The following SLTM variants were observed in gnomAD, a reference collection of about 807,000 sequenced individuals.
SLTM encodes SAFB like transcription modulator, also known as SAFB-like transcription modulator.
A neutral mutation model predicts 134.6 loss-of-function variants in SLTM; 43 were observed. That is an observed-to-expected ratio of 0.32 (90% CI 0.25 to 0.41). SLTM has a LOEUF of 0.41. SLTM is among the 10% of genes least tolerant of loss of function. The pLI is 1.00. For synonymous variants in SLTM, 424 were observed against 432.3 expected, an observed-to-expected ratio of 0.98 and a Z score of 0.24; for missense variants, 1,055 against 1,288.8, an observed-to-expected ratio of 0.82 and a Z score of 2.78.
At chr15:58,921,650 A>G (rs775535932) in intron 2 of SLTM, 1 of 359,492 alleles carries the variant, frequency 2.8e-6, no homozygotes, top group Admixed American at 3.3e-5. Context: ...TGATAGATAC[A>G]TAGTATTCAA....
chr15:58,881,238 T>A (rs1019402917), intron 20 of SLTM, among the ~76,000 whole-genome samples: 1 of 151,966 alleles, frequency 6.6e-6, no homozygotes, highest in African/African-American at 2.4e-5. Context: ...AAATCTACAG[T>A]GAAGGCCGGG....
chr15:58,922,515 A>G (rs1159519926), intron 2 of SLTM, among the ~76,000 whole-genome samples: 2 of 145,236 alleles, frequency 1.4e-5, no homozygotes, highest in East Asian at 3.9e-4. Context: ...TTATATACGT[A>G]TAAAATTTAT....
rs151115131 is a variant in SLTM, at chr15:58,891,779, T to G, written c.1898+1118A>C. On this transcript the variant is annotated intron_variant, in intron 14 of 20. Coordinates refer to ENST00000380516, the MANE Select transcript of SLTM (RefSeq NM_024755.4). ...TATATTATAGTTAAGCCATTACATT[T>G]TTTTCTTTTTTTGAAATTGTTAGTA... Among the ~76,000 whole-genome samples, 6 of 152,316 alleles carry G rather than the reference T, an allele frequency of 3.9e-5. No homozygotes were observed. In the East Asian group the frequency reaches 1.2e-3, roughly 29 times the overall value.
intron 2 of SLTM, among the ~76,000 whole-genome samples, chr15:58,919,617 G>A (rs1158623218): frequency 5.3e-5 from 8 of 151,890 alleles, no homozygotes; most frequent in Admixed American, 2.6e-4. Flanking sequence ...GCAACAGAGC[G>A]AGACCCTACC....
In SLTM at chr15:58,888,400, G is replaced by C. The variant is rs747044789; in HGVS notation, c.2360C>G (p.Ser787Cys). 3 of 1,604,244 alleles carry C rather than the reference G, an allele frequency of 1.9e-6. No individual in the cohort carries two copies. Among genetic ancestry groups the C allele is most frequent in the Non-Finnish European group, 2.5e-6 (3 of 1,177,370 alleles). The change falls in exon 17 of 21, where the codon TCT (serine) becomes TGT (cysteine). Residue 787 changes from serine to cysteine, a missense_variant. By Grantham distance (112) the Ser-to-Cys change is moderately radical. Transcript: ENST00000380516. ...ACATATCTACCTTTCAAAAGATGAA[G>C]ACTGTACTGCTGAACTCTCAGGAAA... ...GRFPESSAVQSSSFERRDRFV... is the reference protein window; with the variant it reads ...GRFPESSAVQCSSFERRDRFV...
In SLTM at chr15:58,894,177, G is replaced by T; in HGVS notation, c.1394C>A (p.Ser465Tyr). ...ISVEKVKGDPSKKEMKKENDE... is the reference protein window; with the variant it reads ...ISVEKVKGDPYKKEMKKENDE... ...ATTTTCTTTCTTCATTTCTTTCTTA[G>T]AGGGATCACCTTTTACCTGAAAGGT... Residue 465 changes from serine (S) to tyrosine (Y), a missense_variant, in exon 11 of 21, where the codon TCT (serine) becomes TAT (tyrosine). This residue lies in a region of SLTM where 776 missense variants were observed against 962.2 expected (regional missense o/e 0.81). Transcript: ENST00000380516. 1 of 1,609,374 alleles carries T rather than the reference G, an allele frequency of 6.2e-7. No individual in the cohort carries two copies.
At chr15:58,921,889 C>CCT (rs2037074002) in intron 2 of SLTM, among the ~76,000 whole-genome samples, 1 of 152,048 alleles carries the variant, frequency 6.6e-6, no homozygotes, top group Non-Finnish European at 1.5e-5. Context: ...GATTCTCATG[C>CCT]CTCAGCCTCA....
rs1404735609 is a variant in SLTM at position 58,899,692 on chromosome 15, G to A, written c.835C>T (p.Pro279Ser). 1 of 1,613,866 alleles carries A rather than the reference G, an allele frequency of 6.2e-7. No homozygotes were observed. The highest frequency in any genetic ancestry group is 8.5e-7 in the Non-Finnish European group (1 of 1,179,988). ...GCAATGGCGTCCTGCCCATCTTTTG[G>A]CTTACTTGCTTCAGAATCTGTAATT... is the stretch of plus-strand genomic sequence containing the variant. ...VKITDSEASKPKDGQDAIAQS... is the reference protein window; with the variant it reads ...VKITDSEASKSKDGQDAIAQS... The change falls in exon 7 of 21, where the codon CCA becomes TCA. Residue 279 changes from proline to serine, a missense_variant. Transcript: ENST00000380516. The surrounding 1 kb of genome is among the most constrained non-coding windows in gnomAD (Gnocchi z 5.0).
rs562486628 is a variant in SLTM at position 58,895,149 on chromosome 15, G to A, written c.1228-567C>T. On this transcript the variant is annotated intron_variant, in intron 9 of 20. Coordinates refer to ENST00000380516, the MANE Select transcript of SLTM (RefSeq NM_024755.4). ...GTAGCCAAAACACAATCTCATCAAT[G>A]AAGTAATGGCACAATTAATAAAAGC... Among the ~76,000 whole-genome samples, 18 of 152,198 alleles carry A rather than the reference G, an allele frequency of 1.2e-4. No individual in the cohort carries two copies. In the East Asian group the frequency reaches 2.1e-3, roughly 18 times the overall value.
chr15:58,908,307 C>T (rs1399952870), intron 5 of SLTM, among the ~76,000 whole-genome samples: 4 of 152,028 alleles, frequency 2.6e-5, no homozygotes, highest in South Asian at 2.1e-4. Context: ...GTGATCAGCC[C>T]GCCTCAGCCT....
chr15:58,933,300 G>A (rs1161043081), intron 1 of SLTM, 104 bp downstream of exon 1: 57 of 1,322,972 alleles, frequency 4.3e-5, no homozygotes, highest in Non-Finnish European at 5.6e-5. Context: ...CCGTTCCGCA[G>A]GTCCCAGCGG....
chr15:58,930,821 T>C (rs1488315160), intron 2 of SLTM, among the ~76,000 whole-genome samples: 1 of 150,814 alleles, frequency 6.6e-6, no homozygotes, highest in Non-Finnish European at 1.5e-5. Context: ...CCCTTAAAAT[T>C]TTATATTGCT....
chr15:58,901,156 A>T, intron 6 of SLTM, 104 bp downstream of exon 6: 1 of 906,712 alleles, frequency 1.1e-6, no homozygotes, highest in Non-Finnish European at 1.7e-6. Flanking sequence ...TAAATTTGAA[A>T]ATAAACTAAT....
rs1313407516 is a variant in SLTM at position 58,879,438 on chromosome 15, A to G, written c.*561T>C. On this transcript the variant is annotated 3_prime_UTR_variant, in exon 21 of 21. Coordinates refer to ENST00000380516, the MANE Select transcript of SLTM (RefSeq NM_024755.4). ...CAACACTTTAGCAACTATACAGAAT[A>G]TGAAGGTTTATTTCAAAAAAGATTA... 2 of 152,712 alleles carry G rather than the reference A, an allele frequency of 1.3e-5. No individual in the cohort carries two copies. Among genetic ancestry groups the G allele is most frequent in the Admixed American group, 1.3e-4 (2 of 15,282 alleles). The allele number at this position is 152,712 out of a possible 1,614,324, so 9.5% of individuals were successfully genotyped here. A position where few individuals can be genotyped will look rare whatever the true frequency, so the allele number is the denominator to read the frequency against.
rs375305679 is a variant in SLTM at position 58,899,208 on chromosome 15, G to GAA, written c.1058+259_1058+260dup. ...TAAAACACAAAAAAATTGTCAATTT[G>GAA]AAAAAAAAAAACAAAAAACAAAAAA... On this transcript the variant is annotated intron_variant, in intron 7 of 20. Coordinates refer to ENST00000380516, the MANE Select transcript of SLTM (RefSeq NM_024755.4). The surrounding 1 kb of genome is among the most constrained non-coding windows in gnomAD (Gnocchi z 5.0). The GAA allele has an allele frequency of 4.7e-4, 165 of 348,852 alleles. No individual in the cohort carries two copies. Among genetic ancestry groups the GAA allele is most frequent in the South Asian group, 7.2e-4 (12 of 16,762 alleles). 21.6% of individuals were successfully genotyped at this position (348,852 alleles called of 1,614,324 possible).
rs1244684024 is a variant in SLTM, at chr15:58,913,706, G to T, written c.316-10C>A. 1 of 1,611,424 alleles carries T rather than the reference G, an allele frequency of 6.2e-7. No homozygotes were observed. The highest frequency in any genetic ancestry group is 1.1e-5 in the South Asian group (1 of 90,726). On this transcript the variant is annotated splice_polypyrimidine_tract_variant and intron_variant, in intron 3 of 20. Coordinates refer to ENST00000380516, the MANE Select transcript of SLTM (RefSeq NM_024755.4). ...TCTCCAATTCACAGTCCTTTTAATG[G>T]TAAGAAAATTTGGTACAACTAGAGG...
At position 58,880,045 on chromosome 15, in the gene SLTM, C is replaced by A; in HGVS notation, c.3059G>T (p.Gly1020Val). The change falls in exon 21 of 21, where the codon GGC (glycine) becomes GTC (valine). Residue 1020 changes from glycine (G) to valine (V), a missense_variant. By Grantham distance (109) the Gly-to-Val change is moderately radical (BLOSUM62 -3). Around this residue, in one of 3 missense-constraint regions of SLTM, gnomAD observed 776 missense variants for 962.2 expected, o/e 0.81. Coordinates refer to ENST00000380516, the MANE Select transcript of SLTM (RefSeq NM_024755.4). The part of the protein sequence containing the change: ...ISGNSMPRGS[G>V]SGFKPFKGGP... ...ACCCTTAAATGGCTTAAATCCGGAG[C>A]CACTTCCTCTTGGCATGGAATTGCC... 1 of 1,614,032 alleles carries A rather than the reference C, an allele frequency of 6.2e-7. No homozygotes were observed. Among genetic ancestry groups the A allele is most frequent in the Non-Finnish European group, 8.5e-7 (1 of 1,180,004 alleles).
chr15:58,905,640 GTTA>G (rs1232001816), intron 5 of SLTM, among the ~76,000 whole-genome samples: 1 of 151,886 alleles, frequency 6.6e-6, no homozygotes, highest in Non-Finnish European at 1.5e-5. Context: ...CCACTTCCAA[GTTA>G]TTGTTTTAGA....
intron 2 of SLTM, among the ~76,000 whole-genome samples, chr15:58,920,531 G>C (rs2036952390): frequency 6.6e-6 from 1 of 151,506 alleles, no homozygotes; most frequent in Admixed American, 6.6e-5. Context: ...GCTGAGACAG[G>C]AGAATCACCT....
Sources: gnomAD v4.1 joint callset for allele counts (sites outside exome capture counted in the v4.1 genomes callset) on GRCh38, gnomAD v4.1.1 for gene constraint, gnomAD v4.1.1 regional missense constraint, Gnocchi (gnomAD v3.1) non-coding constraint, MANE v1.5 for transcripts, NCBI Gene and HGNC (gene_info 2026-07-23, HGNC 2026-07-21) for gene names.